FMN1: variants seen among roughly 807,000 people sequenced by gnomAD.
FMN1 encodes the protein formin-1.
A neutral mutation model predicts 132.4 loss-of-function variants in FMN1; 110 were observed. The ratio of observed to expected loss-of-function variants is 0.83; its 90% CI spans 0.71 to 0.97. The LOEUF (loss-of-function observed/expected upper bound fraction) is 0.97. Ranked by LOEUF, FMN1 falls within the 50% of genes least tolerant of loss-of-function variation. The pLI is 0.00. For synonymous variants in FMN1, 722 were observed against 651.7 expected (o/e 1.11, Z -1.64); for missense variants, 1,792 against 1,705.3 (o/e 1.05, Z -0.90).
At chr15:33,027,982 C>G (rs1439000828) in intron 6 of FMN1, among the ~76,000 whole-genome samples, 1 of 152,208 alleles carries the variant, frequency 6.6e-6, no homozygotes, top group Non-Finnish European at 1.5e-5. Context: ...AAAAGATGAA[C>G]TGGAGAAGCA....
intron 9 of FMN1, among the ~76,000 whole-genome samples, chr15:32,962,229 C>A (rs1427951023): frequency 2.0e-5 from 3 of 152,096 alleles, no homozygotes; most frequent in Admixed American, 1.3e-4. Context: ...TCTATGCTAT[C>A]CAATACAGCA....
chr15:32,801,986 T>C (rs1477764657), intron 18 of FMN1, among the ~76,000 whole-genome samples: 1 of 152,222 alleles, frequency 6.6e-6, no homozygotes. Context: ...GAAAATCTTT[T>C]GCAATTTGGA....
intron 9 of FMN1, among the ~76,000 whole-genome samples, chr15:32,958,554 A>C (rs2030104773): frequency 9.6e-6 from 1 of 104,002 alleles, no homozygotes; most frequent in Non-Finnish European, 2.0e-5. Flanking sequence ...GAAGATATAC[A>C]TACATACATA....
intron 17 of FMN1, among the ~76,000 whole-genome samples, chr15:32,829,686 A>T (rs2058456213): frequency 6.6e-6 from 1 of 152,210 alleles, no homozygotes; most frequent in Non-Finnish European, 1.5e-5. Flanking sequence ...TCAGCTTACA[A>T]AAGCAATAAG....
At chr15:33,053,066 T>C (rs542483136) in intron 6 of FMN1, among the ~76,000 whole-genome samples, 2 of 152,170 alleles carry the variant, frequency 1.3e-5, no homozygotes, top group East Asian at 1.9e-4. Context: ...TCCACTCTCA[T>C]CACCCTTCAA....
intron 19 of FMN1, among the ~76,000 whole-genome samples, chr15:32,787,355 T>C (rs2056913959): frequency 6.6e-6 from 1 of 152,182 alleles, no homozygotes; most frequent in Non-Finnish European, 1.5e-5. Flanking sequence ...CAAGGCCACA[T>C]ACTTAGACAG....
chr15:33,072,173 T>C (rs1437537103), intron 5 of FMN1, among the ~76,000 whole-genome samples: 1 of 152,168 alleles, frequency 6.6e-6, no homozygotes, highest in African/African-American at 2.4e-5. Context: ...CTGTGCCAGA[T>C]TAAAAATGAT....
At chr15:33,189,826 A>G (rs1200417996) in intron 2 of FMN1, among the ~76,000 whole-genome samples, 2 of 152,244 alleles carry the variant, frequency 1.3e-5, no homozygotes, top group Non-Finnish European at 2.9e-5. Context: ...GAGAAAACAT[A>G]CAACTCATGC....
chr15:33,092,436 C>T (rs569065776), intron 4 of FMN1, among the ~76,000 whole-genome samples: 1 of 152,302 alleles, frequency 6.6e-6, no homozygotes, highest in South Asian at 2.1e-4. Flanking sequence ...TCCCCTGCCA[C>T]GTGACTTCCT....
At chr15:33,094,283 C>G (rs2039001054) in intron 4 of FMN1, among the ~76,000 whole-genome samples, 1 of 152,112 alleles carries the variant, frequency 6.6e-6, no homozygotes, top group Admixed American at 6.5e-5. Context: ...CAATTATTTT[C>G]TTTCAGAAGA....
chr15:33,009,431 C>T lies in FMN1; in HGVS notation c.2162-1356G>A, dbSNP rs1035226437. Among the ~76,000 whole-genome samples, 4 of 152,140 alleles carry T rather than the reference C, an allele frequency of 2.6e-5. No individual in the cohort carries two copies. The South Asian group carries it at 8.3e-4, about 32-fold the overall frequency. On this transcript the variant is annotated intron_variant, in intron 6 of 20. Transcript: ENST00000616417. The stretch of plus-strand genomic sequence containing the variant: ...TCTCTGTTGCAGCCCATAAAGACCT[C>T]CATGTCCTGGTTCCTACATATCTCT...
chr15:32,984,978 C>CAAAAAAAAAAAAAAAAAAAAA (rs11330959), intron 7 of FMN1, among the ~76,000 whole-genome samples: 106 of 97,232 alleles, frequency 1.1e-3, no homozygotes, highest in South Asian at 1.5e-3. Flanking sequence ...CATCCATCAC[C>CAAAAAAAAAAAAAAAAAAAAA]AAAAAAAAAA....
intron 4 of FMN1, among the ~76,000 whole-genome samples, chr15:33,122,233 G>A (rs1206765116): frequency 4.6e-5 from 7 of 152,180 alleles, no homozygotes; most frequent in Non-Finnish European, 1.0e-4. Flanking sequence ...AAGTGAATAA[G>A]CTAAGTCTTA....
chr15:32,888,401 G>T (rs1283473306), intron 15 of FMN1, 109 bp from the exon 16 acceptor site: 4 of 995,216 alleles, frequency 4.0e-6, no homozygotes, highest in African/African-American at 1.6e-5. Flanking sequence ...GGATGTCTGA[G>T]TAAGAATCAT....
rs1004839461 is a variant in FMN1 at position 32,767,691 on chromosome 15, T to C, written c.*6619A>G. ...TCTCTTTGAAGATAAGACATCTAGCTGACAGTAGGGTCATATTACTTATGC... is the reference window on the plus strand; with the variant it reads ...TCTCTTTGAAGATAAGACATCTAGCCGACAGTAGGGTCATATTACTTATGC... On this transcript the variant is annotated 3_prime_UTR_variant, in exon 21 of 21. Coordinates refer to ENST00000616417, the MANE Select transcript of FMN1 (RefSeq NM_001277313.2). 7 of 152,266 alleles carry C rather than the reference T, an allele frequency of 4.6e-5. No homozygotes were observed. The highest frequency in any genetic ancestry group is 1.0e-4 in the Non-Finnish European group (7 of 68,054). 9.4% of individuals were successfully genotyped at this position (152,266 alleles called of 1,614,324 possible).
intron 3 of FMN1, among the ~76,000 whole-genome samples, chr15:33,157,871 T>C (rs1964735188): frequency 6.6e-6 from 1 of 151,776 alleles, no homozygotes; most frequent in South Asian, 2.1e-4. Flanking sequence ...AAGCCTGTAC[T>C]CCCAGCTGCT....
chr15:33,189,465 G>A (rs1227999111), intron 2 of FMN1, among the ~76,000 whole-genome samples: 1 of 152,120 alleles, frequency 6.6e-6, no homozygotes, highest in Non-Finnish European at 1.5e-5. Flanking sequence ...TAATTCTAAT[G>A]CCTAAAAAAG....
chr15:33,120,219 G>A (rs1409984238), intron 4 of FMN1, among the ~76,000 whole-genome samples: 1 of 152,118 alleles, frequency 6.6e-6, no homozygotes, highest in African/African-American at 2.4e-5. Context: ...TTGCTCTACG[G>A]CTTTGAAGAA....
intron 4 of FMN1, among the ~76,000 whole-genome samples, chr15:33,121,864 G>C (rs1279263224): frequency 2.6e-5 from 4 of 152,032 alleles, no homozygotes; most frequent in Non-Finnish European, 5.9e-5. Flanking sequence ...TGAATTTTAG[G>C]AATTTGAAAA....
Sources: allele counts gnomAD v4.1 joint callset (sites outside exome capture counted in the v4.1 genomes callset), GRCh38; gene constraint gnomAD v4.1.1; transcripts MANE v1.5; gene names NCBI Gene and HGNC (gene_info 2026-07-23, HGNC 2026-07-21).